The following EYS variants were observed in gnomAD, a reference collection of about 807,000 sequenced individuals.
EYS encodes EGF-like photoreceptor maintenance factor.
EYS carries 250 observed loss-of-function variants against 282.1 expected under a neutral mutation model. That is an observed-to-expected ratio of 0.89 (90% CI 0.80 to 0.98). EYS has a LOEUF of 0.98. Among genes scored for constraint, EYS ranks in the 50% least tolerant of loss-of-function variants. The pLI is 0.00. For synonymous variants in EYS, 1,355 were observed against 1,282.9 expected (o/e 1.06, Z -1.20); for missense variants, 4,016 against 3,709.0 (o/e 1.08, Z -2.15).
chr6:64,709,051 G>T (rs1251925566), intron 22 of EYS, among the ~76,000 whole-genome samples: 1 of 150,262 alleles, frequency 6.7e-6, no homozygotes, highest in Non-Finnish European at 1.5e-5. Flanking sequence ...AGTAAGTAAT[G>T]TACTAAATTA....
At chr6:64,002,913 ATCTTATC>A (rs1244177523) in intron 33 of EYS, among the ~76,000 whole-genome samples, 1 of 152,154 alleles carries the variant, frequency 6.6e-6, no homozygotes, top group Non-Finnish European at 1.5e-5. Context: ...ATGTTTTTTA[ATCTTATC>A]TCTTAAGACA....
intron 41 of EYS, among the ~76,000 whole-genome samples, chr6:63,752,318 A>G (rs893544504): frequency 1.3e-5 from 2 of 152,092 alleles, no homozygotes; most frequent in African/African-American, 2.4e-5. Context: ...ATGCCAGATC[A>G]TTAGCAAGCT....
Position 64,533,046 on chromosome 6 carries a change from C to A in EYS, c.5644+57177G>T, listed in dbSNP as rs138997580. ...TATAAAATTAATTCTGATAGACAAG[C>A]TAGAAACTTAAAACAATTCATATTA... On this transcript the variant is annotated intron_variant, in intron 26 of 42. Transcript: ENST00000503581. Among the ~76,000 whole-genome samples the A allele has an allele frequency of 8.1e-3, 1,229 of 152,170 alleles. 11 individuals are homozygous for A. Among genetic ancestry groups the A allele is most frequent in the African/African-American group, 0.028 (1,175 of 41,522 alleles).
chr6:65,578,472 G>T (rs1764754861), intron 2 of EYS, among the ~76,000 whole-genome samples: 1 of 151,538 alleles, frequency 6.6e-6, no homozygotes, highest in African/African-American at 2.4e-5. Flanking sequence ...GGAGGATGTT[G>T]GTCAAAGGAC....
Position 63,742,744 on chromosome 6 carries a change from A to G in EYS, c.8072-16064T>C, listed in dbSNP as rs149983816. On this transcript the variant is annotated intron_variant, in intron 41 of 42. Coordinates refer to ENST00000503581, the MANE Select transcript of EYS (RefSeq NM_001142800.2). ...TTGGCATACTCTATCTGGATTATCT[A>G]TCAGTTCTTTTCACTCAGCATAATG... Among the ~76,000 whole-genome samples, 370 of 152,304 alleles carry G rather than the reference A, an allele frequency of 2.4e-3. 4 individuals are homozygous for G. The highest frequency in any genetic ancestry group is 0.019 in the Admixed American group (286 of 15,298).
intron 30 of EYS, among the ~76,000 whole-genome samples, chr6:64,272,328 G>C (rs1173607241): frequency 6.6e-6 from 1 of 152,106 alleles, no homozygotes; most frequent in Non-Finnish European, 1.5e-5. Flanking sequence ...GATGCTAGCT[G>C]GTTATTTTGC....
chr6:64,400,605 C>T (rs937450488), intron 28 of EYS, among the ~76,000 whole-genome samples: 1 of 151,924 alleles, frequency 6.6e-6, no homozygotes, highest in African/African-American at 2.4e-5. Flanking sequence ...TGATTGTGCT[C>T]GATTGAATCT....
intron 40 of EYS, among the ~76,000 whole-genome samples, chr6:63,771,187 T>C (rs937157819): frequency 2.0e-5 from 3 of 152,068 alleles, no homozygotes; most frequent in African/African-American, 4.8e-5. Flanking sequence ...CCTGGTTGCA[T>C]TGGGATGAAC....
At chr6:65,620,068 T>C (rs986978111) in intron 2 of EYS, among the ~76,000 whole-genome samples, 5 of 152,212 alleles carry the variant, frequency 3.3e-5, no homozygotes, top group Admixed American at 1.3e-4. Context: ...GCTGGCCTCA[T>C]AAAATGAGTT....
intron 35 of EYS, among the ~76,000 whole-genome samples, chr6:63,897,794 A>T (rs540896529): frequency 6.6e-6 from 1 of 152,004 alleles, no homozygotes; most frequent in African/African-American, 2.4e-5. Context: ...TTTGGAGTAG[A>T]GTTTATATGA....
At chr6:64,720,818 T>C (rs191176350) in intron 22 of EYS, among the ~76,000 whole-genome samples, 1 of 152,338 alleles carries the variant, frequency 6.6e-6, no homozygotes, top group Admixed American at 6.5e-5. Flanking sequence ...TAACTACCTA[T>C]CTATTTAGAC....
chr6:65,631,784 G>GT (rs767465039), intron 2 of EYS, among the ~76,000 whole-genome samples: 1 of 152,144 alleles, frequency 6.6e-6, no homozygotes, highest in Non-Finnish European at 1.5e-5. Context: ...AAATTTACTA[G>GT]TAGGTGTTCC....
chr6:65,034,854 T>A (rs1772717173), intron 13 of EYS, among the ~76,000 whole-genome samples: 1 of 152,108 alleles, frequency 6.6e-6, no homozygotes, highest in Non-Finnish European at 1.5e-5. Flanking sequence ...CCTTTCTAAC[T>A]CATTCTATGA....
chr6:64,764,267 A>G (rs1773254686), intron 22 of EYS, among the ~76,000 whole-genome samples: 1 of 152,206 alleles, frequency 6.6e-6, no homozygotes, highest in Non-Finnish European at 1.5e-5. Context: ...GGCATTTCCA[A>G]ACATCTTCTG....
At chr6:65,061,547 C>T (rs1773574108) in intron 12 of EYS, among the ~76,000 whole-genome samples, 1 of 151,882 alleles carries the variant, frequency 6.6e-6, no homozygotes, top group African/African-American at 2.4e-5. Flanking sequence ...GACTATCAGA[C>T]ACTTCATTTT....
intron 10 of EYS, among the ~76,000 whole-genome samples, chr6:65,340,611 C>T (rs894967173): frequency 2.0e-5 from 3 of 151,044 alleles, no homozygotes; most frequent in African/African-American, 7.3e-5. Context: ...GCCACCAATA[C>T]GAAGCTTTCC....
intron 22 of EYS, among the ~76,000 whole-genome samples, chr6:64,690,163 C>T (rs1010456455): frequency 2.6e-5 from 4 of 151,832 alleles, no homozygotes; most frequent in African/African-American, 4.8e-5. Context: ...AAAAAGTGGG[C>T]GAAGGATATG....
chr6:65,406,320 G>A (rs1017912935), intron 5 of EYS, among the ~76,000 whole-genome samples: 5 of 151,924 alleles, frequency 3.3e-5, no homozygotes, highest in African/African-American at 1.2e-4. Context: ...TGTATATATT[G>A]AATAAAAGTC....
At chr6:64,124,968 C>A (rs1773713590) in intron 31 of EYS, among the ~76,000 whole-genome samples, 1 of 152,104 alleles carries the variant, frequency 6.6e-6, no homozygotes, top group Non-Finnish European at 1.5e-5. Flanking sequence ...ATGAGATAGT[C>A]CCGTATAAAA....
Sources: allele counts gnomAD v4.1 joint callset (sites outside exome capture counted in the v4.1 genomes callset), GRCh38; gene constraint gnomAD v4.1.1; transcripts MANE v1.5; gene names NCBI Gene and HGNC (gene_info 2026-07-23, HGNC 2026-07-21).